The following RAB3GAP1 variants were observed in gnomAD, a reference collection of about 807,000 sequenced individuals.
The protein encoded by RAB3GAP1 is rab3 GTPase-activating protein catalytic subunit.
Under a neutral mutation model 130.7 loss-of-function variants are expected in RAB3GAP1, and 86 were observed. That is an observed-to-expected ratio of 0.66 (90% CI 0.55 to 0.79). The LOEUF (loss-of-function observed/expected upper bound fraction) is 0.79, where lower values mean the gene tolerates loss of function less well. RAB3GAP1 is among the 30% of genes least tolerant of loss of function. The pLI is 0.00. For synonymous variants in RAB3GAP1, 367 were observed against 401.7 expected (o/e 0.91, Z 1.03); for missense variants, 1,029 against 1,169.4 (o/e 0.88, Z 1.75).
In RAB3GAP1 at chr2:135,073,317, T is replaced by G. The variant is rs571313427; in HGVS notation, c.150+15231T>G. On this transcript the variant is annotated intron_variant, in intron 3 of 23. Transcript: ENST00000264158. ...AGATTAGTACAGAGTAGGCAGCTCT[T>G]GAACCCAAAAGGGAAATTTATAATT... Among the ~76,000 whole-genome samples the G allele has an allele frequency of 5.3e-5, 8 of 152,286 alleles. No individual in the cohort carries two copies. The South Asian group carries it at 1.7e-3, about 32-fold the overall frequency.
chr2:135,117,774 T>TCTG (rs1691066263), intron 7 of RAB3GAP1, among the ~76,000 whole-genome samples: 2 of 147,622 alleles, frequency 1.4e-5, no homozygotes, highest in Non-Finnish European at 3.0e-5. Flanking sequence ...TGCTGCTTCT[T>TCTG]CTGCTTCTTC....
intron 7 of RAB3GAP1, among the ~76,000 whole-genome samples, chr2:135,119,097 T>TCCC (rs1691116607): frequency 8.9e-6 from 1 of 112,286 alleles, no homozygotes; most frequent in African/African-American, 3.5e-5. Context: ...CCTCCCTCCC[T>TCCC]TCCTTCCTTC....
intron 3 of RAB3GAP1, among the ~76,000 whole-genome samples, chr2:135,063,453 C>G (rs1689234749): frequency 6.6e-6 from 1 of 152,124 alleles, no homozygotes; most frequent in African/African-American, 2.4e-5. Context: ...CAAACTGAAA[C>G]TACCCATTAA....
chr2:135,122,114 A>G (rs921406187), intron 8 of RAB3GAP1, among the ~76,000 whole-genome samples: 1 of 152,100 alleles, frequency 6.6e-6, no homozygotes, highest in Admixed American at 6.5e-5. Context: ...AAAAAAAATT[A>G]ATGTAATATA....
In RAB3GAP1 at chr2:135,103,210, G is replaced by A. The variant is rs1690504063; in HGVS notation, c.362+9517G>A. Among the ~76,000 whole-genome samples the A allele has an allele frequency of 4.6e-5, 7 of 151,342 alleles. No individual in the cohort carries two copies. The South Asian group carries it at 1.5e-3, about 32-fold the overall frequency. On this transcript the variant is annotated intron_variant, in intron 5 of 23. Coordinates refer to ENST00000264158, the MANE Select transcript of RAB3GAP1 (RefSeq NM_012233.3). ...TGCCACCAAGCCTGGCTAATTTTTA[G>A]TATTTTAGTAGAGATGGGGTTTCAA... is the stretch of plus-strand genomic sequence containing the variant.
At chr2:135,159,253 T>C (rs191406036) in intron 19 of RAB3GAP1, among the ~76,000 whole-genome samples, 1 of 152,328 alleles carries the variant, frequency 6.6e-6, no homozygotes, top group Non-Finnish European at 1.5e-5. Flanking sequence ...GTGCTGCACA[T>C]AGTGTGTTCC....
At chr2:135,056,115 C>T (rs918634176) in intron 2 of RAB3GAP1, among the ~76,000 whole-genome samples, 4 of 151,964 alleles carry the variant, frequency 2.6e-5, no homozygotes, top group African/African-American at 9.6e-5. Flanking sequence ...GGATTACAGG[C>T]ATGAGCCACC....
In RAB3GAP1 at chr2:135,093,704, C is replaced by G. The variant is rs770810032; in HGVS notation, c.362+11C>G. 4 of 1,589,570 alleles carry G rather than the reference C, an allele frequency of 2.5e-6. No individual in the cohort carries two copies. The South Asian group carries it at 4.4e-5, about 18-fold the overall frequency. ...TTGCCTGGTAAGATGGTAGGTATAT[C>G]TTTTACTCAGTATCTTTTAGTATGT... On this transcript the variant is annotated intron_variant, in intron 5 of 23. Coordinates refer to ENST00000264158, the MANE Select transcript of RAB3GAP1 (RefSeq NM_012233.3).
In RAB3GAP1 at chr2:135,135,582, G is replaced by T; in HGVS notation, c.1573G>T (p.Glu525Ter). 1 of 1,602,948 alleles carries T rather than the reference G, an allele frequency of 6.2e-7. No individual in the cohort carries two copies. Among genetic ancestry groups the T allele is most frequent in the Non-Finnish European group, 8.5e-7 (1 of 1,172,568 alleles). ...TCTTAAGATGTTAAATTGTTGTATT[G>T]AAAGAAAGAAGGCACGTGATGAGGG... ...QKLQMLNCCI[E>*]RKKARDEGKK... is the part of the protein sequence containing the mutation. The change falls in exon 17 of 24, where the codon GAA becomes TAA. Residue 525 changes from glutamate (E) to a stop codon, truncating the protein, a stop_gained. Coordinates refer to ENST00000264158, the MANE Select transcript of RAB3GAP1 (RefSeq NM_012233.3). LOFTEE classifies it high-confidence loss of function.
intron 23 of RAB3GAP1, 88 bp downstream of exon 23, chr2:135,164,784 C>T: frequency 1.0e-6 from 1 of 995,392 alleles, no homozygotes; most frequent in Non-Finnish European, 1.5e-6. Context: ...CGTGGCTGAT[C>T]ACACTCATGT....
chr2:135,134,802 C>T lies in RAB3GAP1; in HGVS notation c.1500-463C>T, dbSNP rs1281466576. ...GGCTGATTGCTGGGAACCTAGTAGT[C>T]TAGAGGAACCTAGAACTAGAGACAG... On this transcript the variant is annotated intron_variant, in intron 15 of 23. Coordinates refer to ENST00000264158, the MANE Select transcript of RAB3GAP1 (RefSeq NM_012233.3). Among the ~76,000 whole-genome samples the T allele has an allele frequency of 2.0e-5, 3 of 152,128 alleles. No homozygotes were observed. In the East Asian group the frequency reaches 5.8e-4, roughly 29 times the overall value.
intron 4 of RAB3GAP1, among the ~76,000 whole-genome samples, chr2:135,091,342 C>T (rs1435621141): frequency 6.6e-6 from 1 of 152,064 alleles, no homozygotes; most frequent in Non-Finnish European, 1.5e-5. Context: ...GAGTACCTAA[C>T]ATGTACCAGA....
chr2:135,175,558 T>C (rs1233974225), downstream of RAB3GAP1: 1 of 152,230 alleles, frequency 6.6e-6, no homozygotes, highest in Non-Finnish European at 1.5e-5. Flanking sequence ...CCAAATTGTA[T>C]ATGCTCTTAG....
chr2:135,054,419 G>A (rs1463414953), intron 2 of RAB3GAP1, among the ~76,000 whole-genome samples: 2 of 152,196 alleles, frequency 1.3e-5, no homozygotes, highest in Non-Finnish European at 2.9e-5. Flanking sequence ...TTCATAATTA[G>A]GATGGTGATT....
At chr2:135,100,424 G>C (rs1401670585) in intron 5 of RAB3GAP1, among the ~76,000 whole-genome samples, 1 of 152,132 alleles carries the variant, frequency 6.6e-6, no homozygotes, top group Non-Finnish European at 1.5e-5. Flanking sequence ...TTGCCTTTCA[G>C]TATACTCTTT....
intron 3 of RAB3GAP1, among the ~76,000 whole-genome samples, chr2:135,063,349 C>T (rs186841654): frequency 1.8e-4 from 27 of 152,110 alleles, no homozygotes; most frequent in African/African-American, 4.8e-4. Flanking sequence ...ACCATTTTAA[C>T]GATTTTTAAG....
At chr2:135,092,110 C>A (rs1271256916) in intron 4 of RAB3GAP1, among the ~76,000 whole-genome samples, 1 of 152,016 alleles carries the variant, frequency 6.6e-6, no homozygotes, top group Non-Finnish European at 1.5e-5. Flanking sequence ...TAAACCAGGG[C>A]AGATAACATT....
chr2:135,081,306 CA>C (rs1169138978), intron 3 of RAB3GAP1, among the ~76,000 whole-genome samples: 83 of 13,204 alleles, frequency 6.3e-3, no homozygotes, highest in Admixed American at 8.5e-3. Context: ...GACTCCGTCT[CA>C]AAAAAAAAAA....
intron 17 of RAB3GAP1, among the ~76,000 whole-genome samples, chr2:135,149,973 T>G (rs1428151932): frequency 6.6e-6 from 1 of 152,214 alleles, no homozygotes; most frequent in Non-Finnish European, 1.5e-5. Context: ...GAGCAATTAT[T>G]TCTATATCAA....
Sources: allele counts gnomAD v4.1 joint callset (sites outside exome capture counted in the v4.1 genomes callset), GRCh38; gene constraint gnomAD v4.1.1; transcripts MANE v1.5; gene names NCBI Gene and HGNC (gene_info 2026-07-23, HGNC 2026-07-21).